Variants in SPAG8 observed in about 807,000 individuals in gnomAD.
The protein encoded by SPAG8 is sperm associated antigen 8, also known as sperm-associated antigen 8.
A neutral mutation model predicts 45.3 loss-of-function variants in SPAG8; 36 were observed. The observed-to-expected ratio is 0.80, with a 90% CI of 0.61 to 1.05. The LOEUF (loss-of-function observed/expected upper bound fraction) is 1.05. Among genes scored for constraint, SPAG8 ranks in the 50% least tolerant of loss-of-function variants. The pLI is 0.00. For missense variants in SPAG8, 573 were observed against 609.2 expected (o/e 0.94, Z 0.63); for synonymous variants, 227 against 232.6 (o/e 0.98, Z 0.22).
At position 35,809,917 on chromosome 9, in the gene SPAG8, C is replaced by T. The variant is rs751414377; in HGVS notation, c.*21G>A. The stretch of plus-strand genomic sequence containing the variant: ...ACAGAAATAGATTCCATATTCCATA[C>T]CCCACTTCCCTCCTCACCCCTCAGA... On this transcript the variant is annotated 3_prime_UTR_variant, in exon 7 of 7. Coordinates refer to ENST00000396638, the MANE Select transcript of SPAG8 (RefSeq NM_001039592.2). The surrounding 1 kb of genome is among the most constrained non-coding windows in gnomAD (Gnocchi z 4.1). 3.9e-6 allele frequency: 6 copies of T among 1,552,178 alleles called. No individual in the cohort carries two copies. In the East Asian group the frequency reaches 6.7e-5, roughly 17 times the overall value.
At chr9:35,808,506 C>G, downstream of SPAG8, 1 of 1,613,940 alleles carries the variant, frequency 6.2e-7, no homozygotes, top group Non-Finnish European at 8.5e-7. This position sits in a 1 kb window ranked among gnomAD's most constrained non-coding sequence, Gnocchi z 4.0. Context: ...CCCTCTCAAT[C>G]AGGTGGAGAC....
Position 35,810,218 on chromosome 9 carries a change from G to T in SPAG8, c.1263+29C>A, listed in dbSNP as rs776235471. The stretch of plus-strand genomic sequence containing the variant: ...TGCCCTACCTTTCCTGCCCCGCTCT[G>T]CCCCCAACACCTAGTCACCCTCACA... On this transcript the variant is annotated intron_variant, in intron 6 of 6. Transcript: ENST00000396638. 2.9e-5 allele frequency: 46 copies of T among 1,613,054 alleles called. No homozygotes were observed. In the South Asian group the frequency reaches 4.5e-4, roughly 16 times the overall value.
chr9:35,809,796 C>T lies in SPAG8; in HGVS notation c.*142G>A. On this transcript the variant is annotated 3_prime_UTR_variant, in exon 7 of 7. Transcript: ENST00000396638. This position sits in a 1 kb window ranked among gnomAD's most constrained non-coding sequence, Gnocchi z 4.1. ...GTATGCACACAGTGACTCACAGAATCACTAAATTAGCAGTCTTGGGATGAG... is the reference window on the plus strand; with the variant it reads ...GTATGCACACAGTGACTCACAGAATTACTAAATTAGCAGTCTTGGGATGAG... The T allele has an allele frequency of 1.9e-6, 3 of 1,555,718 alleles. No homozygotes were observed. The highest frequency in any genetic ancestry group is 2.2e-5 in the East Asian group (1 of 44,608).
chr9:35,810,102 G>A lies in SPAG8; in HGVS notation c.1294C>T (p.Pro432Ser). The change falls in exon 7 of 7, where the codon CCA (proline) becomes TCA (serine). Residue 432 changes from proline to serine, a missense_variant. Pro to Ser is a moderately conservative substitution (Grantham distance 74). Coordinates refer to ENST00000396638, the MANE Select transcript of SPAG8 (RefSeq NM_001039592.2). Reference protein sequence around the residue: ...GVSNIRTLDTPFRKNCSFSTP... With the variant: ...GVSNIRTLDTSFRKNCSFSTP... ...GAGAAGCTGCAGTTCTTCCGGAATG[G>A]TGTGTCCAATGTCCTGATGTTACTG... The A allele has an allele frequency of 6.2e-7, 1 of 1,612,324 alleles. No homozygotes were observed. The highest frequency in any genetic ancestry group is 8.5e-7 in the Non-Finnish European group (1 of 1,179,034).
downstream of SPAG8, chr9:35,809,314 GA>G (rs1828628571): frequency 6.2e-7 from 1 of 1,610,756 alleles, no homozygotes; most frequent in Non-Finnish European, 8.5e-7. The surrounding 1 kb of genome is among the most constrained non-coding windows in gnomAD (Gnocchi z 4.1). Flanking sequence ...GAATCATAGG[GA>G]AAGAGAGGGA....
At position 35,812,108 on chromosome 9, in the gene SPAG8, A is replaced by T; in HGVS notation, c.40T>A (p.Ser14Thr). The T allele has an allele frequency of 6.2e-7, 1 of 1,607,538 alleles. No individual in the cohort carries two copies. Residue 14 changes from serine to threonine, a missense_variant, in exon 1 of 7, where the codon TCG (serine) becomes ACG (threonine). Physicochemically the swap from Ser to Thr is moderately conservative, Grantham distance 58 (BLOSUM62 1). Transcript: ENST00000396638. ...AGCCAGAGCTGCGGCTCTCACCGCG[A>T]CCGCGACCGCGATCCCTCCGTAGAC... is the stretch of plus-strand genomic sequence containing the variant. ...NESTEGSRSRSRSLDIQPSSE... is the reference protein window; with the variant it reads ...NESTEGSRSRTRSLDIQPSSE...
rs1828829935 is a variant in SPAG8 at position 35,811,938 on chromosome 9, T to C, written c.108A>G (p.Ser36=). The change falls in exon 2 of 7, where the codon TCA becomes TCG. Residue 36 remains serine, a synonymous_variant. Transcript: ENST00000396638. ...LGPTSEPFPS[S]DDSPRSALAA... ...CCAGGGCCGACCTGGGACTGTCATC[T>C]GAAGAAGGAAACGGTTCCGAAGTGG... 6.2e-7 allele frequency: 1 copy of C among 1,604,020 alleles called. No homozygotes were observed. The highest frequency in any genetic ancestry group is 1.7e-5 in the Admixed American group (1 of 59,210).
chr9:35,811,775 T>C lies in SPAG8; in HGVS notation c.271A>G (p.Ser91Gly). The change falls in exon 2 of 7, where the codon AGC becomes GGC. Residue 91 changes from serine to glycine, a missense_variant. By Grantham distance (56) the Ser-to-Gly change is moderately conservative. Transcript: ENST00000396638. ...CCCGCACAGGGCTCCCCAAGAAGGC[T>C]GGGGTCAGAGGACGGCTCCATGAAC... The part of the protein sequence containing the change: ...SEFMEPSSDP[S>G]LLGEPCAGPG... 1 of 1,614,116 alleles carries C rather than the reference T, an allele frequency of 6.2e-7. No homozygotes were observed.
downstream of SPAG8, chr9:35,808,443 C>A (rs1244230613): frequency 1.3e-6 from 2 of 1,539,802 alleles, no homozygotes; most frequent in Non-Finnish European, 1.8e-6. This position sits in a 1 kb window ranked among gnomAD's most constrained non-coding sequence, Gnocchi z 4.0. Flanking sequence ...AAGCTTGTCT[C>A]CCTCTACTTT....
At position 35,812,166 on chromosome 9, in the gene SPAG8, G is replaced by T. The variant is rs1377894095; in HGVS notation, c.-19C>A. The T allele has an allele frequency of 3.7e-6, 6 of 1,602,968 alleles. No homozygotes were observed. Among genetic ancestry groups the T allele is most frequent in the Middle Eastern group, 1.7e-4 (1 of 6,056 alleles). The stretch of plus-strand genomic sequence containing the variant: ...TCTCCATCTTCAGACTCCAGCTACT[G>T]GGTTGCCATAGAGACAGCAAACAAC... On this transcript the variant is annotated 5_prime_UTR_variant, in exon 1 of 7. Coordinates refer to ENST00000396638, the MANE Select transcript of SPAG8 (RefSeq NM_001039592.2).
chr9:35,809,199 T>A (rs780528803), downstream of SPAG8: 1 of 1,613,968 alleles, frequency 6.2e-7, no homozygotes, highest in Non-Finnish European at 8.5e-7. The surrounding 1 kb of genome is among the most constrained non-coding windows in gnomAD (Gnocchi z 4.1). Context: ...ATGCCCTAGA[T>A]GAGCTAGGAT....
downstream of SPAG8, chr9:35,809,678 A>G (rs914559623): frequency 8.6e-7 from 1 of 1,156,126 alleles, no homozygotes; most frequent in Non-Finnish European, 1.3e-6. The surrounding 1 kb of genome is among the most constrained non-coding windows in gnomAD (Gnocchi z 4.1). Context: ...TCTGTATCTA[A>G]ACCAGAATAT....
At chr9:35,810,766 A>C (rs1828746077) in intron 3 of SPAG8, 84 bp from the exon 4 acceptor site, 6 of 1,604,296 alleles carry the variant, frequency 3.7e-6, no homozygotes, top group South Asian at 1.1e-5. Flanking sequence ...AAGGAAGAAG[A>C]ACCTTGGGGT....
Position 35,811,826 on chromosome 9 carries a change from T to C in SPAG8, c.220A>G (p.Thr74Ala), listed in dbSNP as rs11559133. 2.5e-6 allele frequency: 4 copies of C among 1,612,410 alleles called. No individual in the cohort carries two copies. The highest frequency in any genetic ancestry group is 2.7e-5 in the African/African-American group (2 of 75,030). Residue 74 changes from threonine (T) to alanine (A), a missense_variant, in exon 2 of 7, where the codon ACA becomes GCA. By Grantham distance (58) the Thr-to-Ala change is moderately conservative. Transcript: ENST00000396638. The part of the protein sequence containing the change: ...FTTAKAAALS[T>A]KTPAPCSEFM... ...TCAGAACAGGGCGCTGGGGTCTTTG[T>C]AGATAATGCAGCTGCTTTGGCAGTG...
downstream of SPAG8, chr9:35,809,302 G>C: frequency 6.2e-7 from 1 of 1,609,492 alleles, no homozygotes; most frequent in Non-Finnish European, 8.5e-7. This position sits in a 1 kb window ranked among gnomAD's most constrained non-coding sequence, Gnocchi z 4.1. Flanking sequence ...AAGTGATTAT[G>C]GGAATCATAG....
downstream of SPAG8, chr9:35,809,324 G>A: frequency 6.2e-7 from 1 of 1,611,432 alleles, no homozygotes; most frequent in East Asian, 2.2e-5. The surrounding 1 kb of genome is among the most constrained non-coding windows in gnomAD (Gnocchi z 4.1). Context: ...GAAAGAGAGG[G>A]AGACAAAGGG....
chr9:35,807,941 T>A (rs534170872), downstream of SPAG8: 1 of 541,430 alleles, frequency 1.8e-6, no homozygotes, highest in African/African-American at 1.9e-5. Context: ...ATTCGTTGTA[T>A]GGAAAGTACC....
chr9:35,810,201 C>G, intron 6 of SPAG8, 46 bp downstream of exon 6: 1 of 1,611,032 alleles, frequency 6.2e-7, no homozygotes, highest in Admixed American at 1.7e-5. Context: ...TCTGCCCTAC[C>G]TTTCCTGCCC....
chr9:35,808,469 A>C (rs755939247), downstream of SPAG8: 4 of 1,601,844 alleles, frequency 2.5e-6, no homozygotes, highest in Non-Finnish European at 2.6e-6. The surrounding 1 kb of genome is among the most constrained non-coding windows in gnomAD (Gnocchi z 4.0). Flanking sequence ...ATCCCCATGG[A>C]TATAAATAGA....
Sources: gnomAD v4.1 joint callset for allele counts on GRCh38, gnomAD v4.1.1 for gene constraint, Gnocchi (gnomAD v3.1) non-coding constraint, MANE v1.5 for transcripts, NCBI Gene and HGNC (gene_info 2026-07-23, HGNC 2026-07-21) for gene names.